Variants in COX7B2 observed in about 807,000 individuals in gnomAD.
COX7B2 encodes cytochrome c oxidase subunit 7B2.
For missense variants in COX7B2, 109 were observed against 95.9 expected, an observed-to-expected ratio of 1.14 and a Z score of -0.57; for synonymous variants, 37 against 32.1, an observed-to-expected ratio of 1.15 and a Z score of -0.51.
chr4:46,833,315 G>C (rs1164042494), intron 2 of COX7B2, among the ~76,000 whole-genome samples: 1 of 152,180 alleles, frequency 6.6e-6, no homozygotes, highest in Admixed American at 6.5e-5. Context: ...ATTAAAAAGT[G>C]AGCATATATC....
chr4:46,799,646 A>G (rs528811096), intron 2 of COX7B2, among the ~76,000 whole-genome samples: 1 of 152,176 alleles, frequency 6.6e-6, no homozygotes, highest in South Asian at 2.1e-4. Context: ...CTGTTTATGT[A>G]ATGAATCATA....
At chr4:46,824,119 A>G (rs919752676) in intron 2 of COX7B2, among the ~76,000 whole-genome samples, 1 of 152,154 alleles carries the variant, frequency 6.6e-6, no homozygotes, top group African/African-American at 2.4e-5. Flanking sequence ...GGAGCTAGTA[A>G]GAAACTGAAT....
At chr4:46,832,153 C>T (rs537895798) in intron 2 of COX7B2, among the ~76,000 whole-genome samples, 33 of 152,220 alleles carry the variant, frequency 2.2e-4, no homozygotes, top group African/African-American at 7.2e-4. Context: ...TTTGTTCTTT[C>T]GCTCTTTGCT....
intron 1 of COX7B2, among the ~76,000 whole-genome samples, chr4:46,848,530 C>A (rs1716445267): frequency 6.6e-6 from 1 of 151,958 alleles, no homozygotes; most frequent in Admixed American, 6.6e-5. Flanking sequence ...CAGCTTTAAT[C>A]TATATTTATC....
intron 2 of COX7B2, among the ~76,000 whole-genome samples, chr4:46,797,754 C>A (rs1718441245): frequency 6.6e-6 from 1 of 152,196 alleles, no homozygotes. Flanking sequence ...TGTGGATTAT[C>A]ATAAGCTTAA....
chr4:46,792,469 G>A (rs1197685585), intron 2 of COX7B2, among the ~76,000 whole-genome samples: 4 of 152,138 alleles, frequency 2.6e-5, no homozygotes, highest in Non-Finnish European at 5.9e-5. Context: ...AGAAGAAAAA[G>A]GTAAAATAAG....
chr4:46,777,116 T>TA (rs1268331880), intron 2 of COX7B2, among the ~76,000 whole-genome samples: 2 of 152,112 alleles, frequency 1.3e-5, no homozygotes, highest in African/African-American at 4.8e-5. Context: ...CCATGGTCAT[T>TA]AAGGCTTACC....
intron 1 of COX7B2, among the ~76,000 whole-genome samples, chr4:46,887,924 CT>C (rs559703035): frequency 2.2e-4 from 33 of 152,198 alleles, no homozygotes; most frequent in Admixed American, 1.9e-3. Context: ...ACATGGTTCA[CT>C]CCTATTTGGA....
intron 2 of COX7B2, among the ~76,000 whole-genome samples, chr4:46,769,016 A>G (rs1205313826): frequency 6.6e-6 from 1 of 152,098 alleles, no homozygotes; most frequent in Non-Finnish European, 1.5e-5. Context: ...GAAGAAACAG[A>G]AAATCTGAAT....
chr4:46,838,021 A>T (rs1330523863), intron 2 of COX7B2, among the ~76,000 whole-genome samples: 1 of 152,058 alleles, frequency 6.6e-6, no homozygotes, highest in Non-Finnish European at 1.5e-5. Context: ...TAGAACTTAA[A>T]TCTAGAAAAC....
At chr4:46,819,774 T>C (rs1405775221) in intron 2 of COX7B2, among the ~76,000 whole-genome samples, 1 of 152,238 alleles carries the variant, frequency 6.6e-6, no homozygotes, top group East Asian at 1.9e-4. Context: ...TCAACAATTA[T>C]TTTTGAATGT....
chr4:46,769,349 A>C (rs936320119), intron 2 of COX7B2, among the ~76,000 whole-genome samples: 1 of 152,222 alleles, frequency 6.6e-6, no homozygotes, highest in Admixed American at 6.5e-5. Context: ...CAAGTTAAAA[A>C]GAACAATAAA....
chr4:46,853,451 A>G (rs767565860), intron 1 of COX7B2, among the ~76,000 whole-genome samples: 3 of 152,186 alleles, frequency 2.0e-5, no homozygotes, highest in Non-Finnish European at 4.4e-5. Flanking sequence ...ACATTTTAGA[A>G]AATATGTGTG....
intron 2 of COX7B2, among the ~76,000 whole-genome samples, chr4:46,819,908 A>T (rs575723597): frequency 7.9e-5 from 12 of 152,348 alleles, no homozygotes; most frequent in African/African-American, 2.4e-4. Context: ...ATGGATTAGG[A>T]TAAGCAAGGC....
intron 2 of COX7B2, among the ~76,000 whole-genome samples, chr4:46,827,901 A>G (rs1714804471): frequency 6.6e-6 from 1 of 152,184 alleles, no homozygotes; most frequent in East Asian, 1.9e-4. Context: ...TTAGTGACAG[A>G]AAACAGATCA....
intron 1 of COX7B2, among the ~76,000 whole-genome samples, chr4:46,878,397 C>A (rs561654704): frequency 6.6e-6 from 1 of 150,840 alleles, no homozygotes; most frequent in Non-Finnish European, 1.5e-5. Flanking sequence ...GATTTAGGTG[C>A]TCTTACCATA....
At chr4:46,735,291 C>T in intron 2 of COX7B2, 50 bp from the exon 3 acceptor site, 1 of 1,369,448 alleles carries the variant, frequency 7.3e-7, no homozygotes, top group South Asian at 1.3e-5. Context: ...TATTCAATTC[C>T]TTCCGCTTTG....
chr4:46,772,089 G>A (rs1272917028), intron 2 of COX7B2, among the ~76,000 whole-genome samples: 6 of 151,984 alleles, frequency 3.9e-5, no homozygotes, highest in Admixed American at 3.3e-4. Context: ...TTAGACACAC[G>A]CATACAGTGG....
chr4:46,900,389 C>A lies in COX7B2; in HGVS notation c.-105+8771G>T, dbSNP rs201410900. Among the ~76,000 whole-genome samples the A allele has an allele frequency of 5.3e-5, 8 of 152,168 alleles. 1 individual carries two copies. The East Asian group carries it at 1.5e-3, about 29-fold the overall frequency. ...AGCTGCCTCCTTGCCCTTAAATAAG[C>A]AGAGAAAATCTGTTTTTTCTTGTTC... On this transcript the variant is annotated intron_variant, in intron 1 of 2. Transcript: ENST00000355591.
Sources: gnomAD v4.1 joint callset for allele counts (sites outside exome capture counted in the v4.1 genomes callset) on GRCh38, gnomAD v4.1.1 for gene constraint, MANE v1.5 for transcripts, NCBI Gene and HGNC (gene_info 2026-07-23, HGNC 2026-07-21) for gene names.